Variants in PDLIM1 observed in about 807,000 individuals in gnomAD.
The protein encoded by PDLIM1 is PDZ and LIM domain protein 1.
Under a neutral mutation model 35.2 loss-of-function variants are expected in PDLIM1, and 25 were observed. The ratio of observed to expected loss-of-function variants is 0.71; its 90% confidence interval spans 0.52 to 0.99. The LOEUF is 0.99. Ranked by LOEUF, PDLIM1 falls within the 50% of genes least tolerant of loss-of-function variation. The pLI is 0.00. For missense variants in PDLIM1, 363 were observed against 415.3 expected (o/e 0.87, Z 1.09); for synonymous variants, 152 against 154.0 (o/e 0.99, Z 0.10).
chr10:95,284,988 T>C (rs1442095386), intron 1 of PDLIM1, among the ~76,000 whole-genome samples: 1 of 152,204 alleles, frequency 6.6e-6, no homozygotes, highest in Admixed American at 6.5e-5. Context: ...TTAGGTTTCA[T>C]GGGTATATTC....
In PDLIM1 at chr10:95,266,725, T is replaced by C. The variant is rs569553018; in HGVS notation, c.333+2053A>G. Reference sequence around the variant, plus strand: ...GTCAATGGAAAATTCAGGTTGAAAATTCGGATGATTTCACTTTCTAAAGAA... The same window carrying C: ...GTCAATGGAAAATTCAGGTTGAAAACTCGGATGATTTCACTTTCTAAAGAA... On this transcript the variant is annotated intron_variant, in intron 3 of 6. Coordinates refer to ENST00000329399, the MANE Select transcript of PDLIM1 (RefSeq NM_020992.4). Among the ~76,000 whole-genome samples the C allele has an allele frequency of 2.0e-4, 31 of 152,224 alleles. No individual in the cohort carries two copies. In the South Asian group the frequency reaches 5.0e-3, roughly 24 times the overall value.
At chr10:95,247,968 T>G (rs985384492) in intron 4 of PDLIM1, among the ~76,000 whole-genome samples, 2 of 152,266 alleles carry the variant, frequency 1.3e-5, no homozygotes, top group African/African-American at 4.8e-5. Flanking sequence ...GAACTGTTGA[T>G]GTTCAGGCCC....
At chr10:95,245,920 A>G (rs1370584749) in intron 5 of PDLIM1, among the ~76,000 whole-genome samples, 1 of 152,154 alleles carries the variant, frequency 6.6e-6, no homozygotes, top group Non-Finnish European at 1.5e-5. Flanking sequence ...GCGGACTTTG[A>G]GGAGGGAGGT....
intron 5 of PDLIM1, among the ~76,000 whole-genome samples, chr10:95,240,593 G>T (rs2035169663): frequency 6.6e-6 from 1 of 152,148 alleles, no homozygotes; most frequent in African/African-American, 2.4e-5. Flanking sequence ...AACCACCATG[G>T]CACGTCATTA....
At chr10:95,252,192 A>G (rs2035273558) in intron 4 of PDLIM1, among the ~76,000 whole-genome samples, 1 of 152,140 alleles carries the variant, frequency 6.6e-6, no homozygotes, top group African/African-American at 2.4e-5. Context: ...CCCAGCTGTA[A>G]TGAAGAAAAC....
chr10:95,258,042 C>G (rs746412653), intron 4 of PDLIM1, among the ~76,000 whole-genome samples: 6 of 152,136 alleles, frequency 3.9e-5, no homozygotes, highest in Non-Finnish European at 8.8e-5. Context: ...GAAGGAGGAG[C>G]AAGTCACATC....
At chr10:95,281,562 G>A (rs140634067) in intron 1 of PDLIM1, among the ~76,000 whole-genome samples, 4 of 152,328 alleles carry the variant, frequency 2.6e-5, no homozygotes, top group African/African-American at 9.6e-5. Flanking sequence ...GCAGGATGCT[G>A]TCTCAAACAA....
rs149510547 is a variant in PDLIM1, at chr10:95,248,948, C to T, written c.534-1582G>A. On this transcript the variant is annotated intron_variant, in intron 4 of 6. Transcript: ENST00000329399. ...TTCCTGACCCCGACTCCAAACAGTC[C>T]GCCACATCCCCACTATCACTCTTAA... Among the ~76,000 whole-genome samples, 9 of 152,350 alleles carry T rather than the reference C, an allele frequency of 5.9e-5. No homozygotes were observed. In the East Asian group the frequency reaches 1.3e-3, roughly 23 times the overall value.
chr10:95,279,701 G>A (rs10786195), intron 1 of PDLIM1, among the ~76,000 whole-genome samples: 31,897 of 152,194 alleles, frequency 0.21, 4,214 homozygotes, highest in Non-Finnish European at 0.29. Flanking sequence ...GTTTGGACTA[G>A]GGATTATAAT....
At chr10:95,239,697 G>A (rs536830374) in intron 5 of PDLIM1, among the ~76,000 whole-genome samples, 39 of 152,308 alleles carry the variant, frequency 2.6e-4, no homozygotes, top group African/African-American at 8.9e-4. Flanking sequence ...TCAGGAGGCT[G>A]AGGCAAGAGA....
intron 5 of PDLIM1, among the ~76,000 whole-genome samples, chr10:95,245,696 A>G (rs1181152558): frequency 6.6e-6 from 1 of 152,240 alleles, no homozygotes; most frequent in Non-Finnish European, 1.5e-5. Context: ...AGCTACTCCA[A>G]GCAAAAGAGG....
chr10:95,281,662 G>GT (rs902731499), intron 1 of PDLIM1, among the ~76,000 whole-genome samples: 4 of 152,020 alleles, frequency 2.6e-5, no homozygotes, highest in Admixed American at 6.6e-5. Context: ...TAATTTTGTT[G>GT]TTTTTTTTAA....
chr10:95,259,745 T>C (rs1169624908), intron 4 of PDLIM1, among the ~76,000 whole-genome samples: 1 of 152,212 alleles, frequency 6.6e-6, no homozygotes, highest in Non-Finnish European at 1.5e-5. Context: ...AATATTTGAA[T>C]AGAAAATGAT....
chr10:95,288,508 A>G (rs1408500354), intron 1 of PDLIM1, among the ~76,000 whole-genome samples: 4 of 151,836 alleles, frequency 2.6e-5, no homozygotes, highest in African/African-American at 9.7e-5. Context: ...GCACTCTCAC[A>G]TACCTTAACT....
Position 95,247,283 on chromosome 10 carries a change from A to G in PDLIM1, c.617T>C (p.Leu206Ser), listed in dbSNP as rs1564598300. The change falls in exon 5 of 7, where the codon TTG becomes TCG. Residue 206 changes from leucine (L) to serine (S), a missense_variant. Coordinates refer to ENST00000329399, the MANE Select transcript of PDLIM1 (RefSeq NM_020992.4). ...VYKMLQEKQELNEPPKQSTSF... is the reference protein window; with the variant it reads ...VYKMLQEKQESNEPPKQSTSF... ...CGTGGACTGTTTCGGGGGCTCATTC[A>G]ACTCCTGTTTCTCCTGAAGCATCTT... The G allele has an allele frequency of 1.2e-6, 2 of 1,613,984 alleles. No individual in the cohort carries two copies. The highest frequency in any genetic ancestry group is 2.7e-5 in the African/African-American group (2 of 74,914).
intron 5 of PDLIM1, among the ~76,000 whole-genome samples, chr10:95,243,001 T>C (rs1176043957): frequency 6.6e-6 from 1 of 152,058 alleles, no homozygotes; most frequent in Non-Finnish European, 1.5e-5. Context: ...TGGAATCCAC[T>C]CAATCCATAG....
At chr10:95,258,419 T>C (rs1425957488) in intron 4 of PDLIM1, among the ~76,000 whole-genome samples, 1 of 151,988 alleles carries the variant, frequency 6.6e-6, no homozygotes, top group Non-Finnish European at 1.5e-5. Context: ...GAGAATTGCT[T>C]AAACCTGGAG....
intron 4 of PDLIM1, among the ~76,000 whole-genome samples, chr10:95,252,226 C>T (rs1209326516): frequency 6.6e-6 from 1 of 152,140 alleles, no homozygotes; most frequent in African/African-American, 2.4e-5. Flanking sequence ...AGGACTCTCA[C>T]CACTGCTCAG....
chr10:95,242,312 T>C (rs553410723), intron 5 of PDLIM1, among the ~76,000 whole-genome samples: 18 of 152,166 alleles, frequency 1.2e-4, no homozygotes. Flanking sequence ...CCATATATTT[T>C]ACCTGTATTA....
Sources: gnomAD v4.1 joint callset for allele counts (sites outside exome capture counted in the v4.1 genomes callset) on GRCh38, gnomAD v4.1.1 for gene constraint, MANE v1.5 for transcripts, NCBI Gene and HGNC (gene_info 2026-07-23, HGNC 2026-07-21) for gene names.